The following ARL10 variants were observed in gnomAD, a reference collection of about 807,000 sequenced individuals.
ARL10 encodes ARF like GTPase 10.
Under a neutral mutation model 26.1 loss-of-function variants are expected in ARL10, and 23 were observed. The observed-to-expected ratio is 0.88, with a 90% CI of 0.63 to 1.25. The LOEUF is 1.25. ARL10 is among the 50% of genes most tolerant of loss of function. ARL10 has a pLI of 0.00. For missense variants in ARL10, 300 were observed against 323.6 expected, an observed-to-expected ratio of 0.93 and a Z score of 0.56; for synonymous variants, 138 against 149.1, an observed-to-expected ratio of 0.93 and a Z score of 0.54.
At chr5:176,398,867 G>T (rs1006369930) in intron 1 of ARL10, among the ~76,000 whole-genome samples, 6 of 151,030 alleles carry the variant, frequency 4.0e-5, no homozygotes, top group Non-Finnish European at 1.5e-5. Context: ...TTTTGAGATG[G>T]AGTGTCCCTC....
chr5:176,403,238 CG>C (rs1226087075), downstream of ARL10, among the ~76,000 whole-genome samples: 5 of 151,740 alleles, frequency 3.3e-5, no homozygotes, highest in Non-Finnish European at 7.4e-5. Context: ...TTAGTAGAGA[CG>C]GGGTTTTGCC....
Position 176,373,195 on chromosome 5 carries a change from G to A in ARL10, c.*1300G>A, listed in dbSNP as rs1768600579. On this transcript the variant is annotated 3_prime_UTR_variant, in exon 4 of 4. Coordinates refer to ENST00000310389, the MANE Select transcript of ARL10 (RefSeq NM_173664.6). ...GGACAGGAATAGCAGACCAGCCAACGGGATGGCCTTGGGTACATCACTCAG... is the reference window on the plus strand; with the variant it reads ...GGACAGGAATAGCAGACCAGCCAACAGGATGGCCTTGGGTACATCACTCAG... 7.6e-6 allele frequency: 3 copies of A among 396,518 alleles called. No individual in the cohort carries two copies. The highest frequency in any genetic ancestry group is 2.9e-4 in the South Asian group (2 of 7,008). 24.6% of individuals were successfully genotyped at this position (396,518 alleles called of 1,614,324 possible). A position where few individuals can be genotyped will look rare whatever the true frequency, so the allele number is the denominator to read the frequency against.
exon 2 of ARL10, chr5:176,388,393 G>C (rs1287243299): frequency 4.2e-5 from 68 of 1,612,720 alleles, no homozygotes; most frequent in Non-Finnish European, 5.5e-5. Context: ...GGACCGTCCC[G>C]GCCGAGGCCC....
chr5:176,391,840 T>C (rs1354600478), downstream of ARL10, among the ~76,000 whole-genome samples: 1 of 152,200 alleles, frequency 6.6e-6, no homozygotes, highest in African/African-American at 2.4e-5. Flanking sequence ...TCAAGAACTA[T>C]GAGACAATAA....
downstream of ARL10, among the ~76,000 whole-genome samples, chr5:176,402,466 C>T (rs1370596289): frequency 6.6e-6 from 1 of 152,208 alleles, no homozygotes; most frequent in Non-Finnish European, 1.5e-5. Flanking sequence ...CCCTCAGAGA[C>T]TCTGTCTGGA....
In ARL10 at chr5:176,381,765, G is replaced by A. The variant is rs1357232107; in HGVS notation, c.*9870G>A. The A allele has an allele frequency of 1.3e-5, 2 of 152,212 alleles. No homozygotes were observed. The highest frequency in any genetic ancestry group is 6.5e-5 in the Admixed American group (1 of 15,280). 9.4% of individuals were successfully genotyped at this position (152,212 alleles called of 1,614,324 possible). A position where few individuals can be genotyped will look rare whatever the true frequency, so the allele number is the denominator to read the frequency against. Reference sequence around the variant, plus strand: ...GCCAAACTTAACAAAGGTCACCTTTGGAACCAGCACTAATTGTTGAGGGGG... The same window carrying A: ...GCCAAACTTAACAAAGGTCACCTTTAGAACCAGCACTAATTGTTGAGGGGG... On this transcript the variant is annotated 3_prime_UTR_variant, in exon 4 of 4. Coordinates refer to ENST00000310389, the MANE Select transcript of ARL10 (RefSeq NM_173664.6).
rs200362337 is a variant in ARL10, at chr5:176,368,847, T to C, written c.426T>C (p.Phe142=). ...ACCTGCGCTTCTACTGGAAGGAGTT[T>C]GTGAGCGAGGTGGATGTGCTGGTGT... ...SQNLRFYWKE[F]VSEVDVLVFV... is the part of the protein sequence containing the mutation. The change falls in exon 3 of 4, where the codon TTT becomes TTC. Residue 142 remains phenylalanine (F), a synonymous_variant. Coordinates refer to ENST00000310389, the MANE Select transcript of ARL10 (RefSeq NM_173664.6). This position sits in a 1 kb window ranked among gnomAD's most constrained non-coding sequence, Gnocchi z 4.1. 3.7e-6 allele frequency: 6 copies of C among 1,614,030 alleles called. No homozygotes were observed. The highest frequency in any genetic ancestry group is 5.1e-6 in the Non-Finnish European group (6 of 1,179,946).
chr5:176,382,010 C>T (rs1327772784), downstream of ARL10: 1 of 152,248 alleles, frequency 6.6e-6, no homozygotes, highest in Non-Finnish European at 1.5e-5. Context: ...GATACTGGTA[C>T]AGAATGTAGG....
chr5:176,406,300 G>A, downstream of ARL10: 2 of 1,056,166 alleles, frequency 1.9e-6, no homozygotes, highest in Non-Finnish European at 2.3e-6. Flanking sequence ...AAGGCAGGAG[G>A]CGACAGTCAG....
At chr5:176,398,117 G>A (rs919173989) in intron 1 of ARL10, 2 of 1,397,054 alleles carry the variant, frequency 1.4e-6, no homozygotes, top group Non-Finnish European at 1.0e-6. Flanking sequence ...GCCCCTGCTG[G>A]GGACCCACTC....
Position 176,372,135 on chromosome 5 carries a change from G to A in ARL10, c.*240G>A, listed in dbSNP as rs1581395655. ...CAGAGGGTGGGGAGGATAGTGTCTG[G>A]CTCATTCCAGGCTGGAATGTGGATC... On this transcript the variant is annotated 3_prime_UTR_variant, in exon 4 of 4. Transcript: ENST00000310389. 4.5e-6 allele frequency: 6 copies of A among 1,335,772 alleles called. No homozygotes were observed. The highest frequency in any genetic ancestry group is 5.8e-6 in the Non-Finnish European group (6 of 1,026,358). The allele number at this position is 1,335,772 out of a possible 1,614,324, so 82.7% of individuals were successfully genotyped here.
At chr5:176,370,979 C>T (rs1768510287) in intron 3 of ARL10, among the ~76,000 whole-genome samples, 1 of 152,220 alleles carries the variant, frequency 6.6e-6, no homozygotes, top group African/African-American at 2.4e-5. Context: ...TCAATGATGT[C>T]ACCTCCCTGA....
intron 1 of ARL10, among the ~76,000 whole-genome samples, chr5:176,394,622 G>A (rs1025795388): frequency 6.6e-6 from 1 of 151,212 alleles, no homozygotes; most frequent in East Asian, 2.0e-4. Context: ...AGAGCATCCT[G>A]GCTAACACGG....
rs1290980305 is a variant in ARL10, at chr5:176,368,452, C to T, written c.386-355C>T. Among the ~76,000 whole-genome samples the T allele has an allele frequency of 6.6e-6, 1 of 152,018 alleles. No individual in the cohort carries two copies. The highest frequency in any genetic ancestry group is 2.4e-5 in the African/African-American group (1 of 41,372). ...TTACTGAGCACCTGTGTGTCAGTCC[C>T]GTGAAAGGTACATCGCACGTGGTAC... On this transcript the variant is annotated intron_variant, in intron 2 of 3. Coordinates refer to ENST00000310389, the MANE Select transcript of ARL10 (RefSeq NM_173664.6). This position sits in a 1 kb window ranked among gnomAD's most constrained non-coding sequence, Gnocchi z 4.1.
chr5:176,386,904 C>G (rs1011453221), downstream of ARL10: 5 of 1,614,074 alleles, frequency 3.1e-6, no homozygotes, highest in Non-Finnish European at 4.2e-6. Context: ...CCTCCATGGC[C>G]TTCACCTGCA....
At chr5:176,388,615 A>G in exon 2 of ARL10, 9 of 1,438,670 alleles carry the variant, frequency 6.3e-6, no homozygotes, top group Non-Finnish European at 8.7e-6. Flanking sequence ...CTCCTTCCGG[A>G]AGGCGTGCAC....
downstream of ARL10, chr5:176,384,388 G>A (rs554340611): frequency 1.2e-6 from 2 of 1,606,152 alleles, no homozygotes; most frequent in South Asian, 1.1e-5. Context: ...AGAGGAGAAG[G>A]GCTACTTTAA....
chr5:176,375,319 TCCATCCATCCATCCATCATCCAC>T lies in ARL10; in HGVS notation c.*3442_*3464del, dbSNP rs1260584104. ...ATCCATCCATCCATCCATCCATCCA[TCCATCCATCCATCCATCATCCAC>T]CCATCCATCCATCCATCCATCCATC... On this transcript the variant is annotated 3_prime_UTR_variant, in exon 4 of 4. Transcript: ENST00000310389. The T allele has an allele frequency of 6.3e-3, 337 of 53,808 alleles. 1 individual carries two copies. Among genetic ancestry groups the T allele is most frequent in the African/African-American group, 0.019 (314 of 16,404 alleles). 3.3% of individuals were successfully genotyped at this position (53,808 alleles called of 1,614,324 possible). A position where few individuals can be genotyped will look rare whatever the true frequency, so the allele number is the denominator to read the frequency against.
chr5:176,390,270 T>C (rs1363783396), downstream of ARL10, among the ~76,000 whole-genome samples: 1 of 151,662 alleles, frequency 6.6e-6, no homozygotes, highest in Non-Finnish European at 1.5e-5. Context: ...TGAAAAATAC[T>C]GGTCTAGCCA....
Sources: gnomAD v4.1 joint callset for allele counts (sites outside exome capture counted in the v4.1 genomes callset) on GRCh38, gnomAD v4.1.1 for gene constraint, Gnocchi (gnomAD v3.1) non-coding constraint, MANE v1.5 for transcripts, NCBI Gene and HGNC (gene_info 2026-07-23, HGNC 2026-07-21) for gene names.